Variants in TEX11 observed in about 807,000 individuals in gnomAD.
TEX11 encodes the protein testis-expressed protein 11.
TEX11 carries 7 observed loss-of-function variants against 84.4 expected under a neutral mutation model. That is an observed-to-expected ratio of 0.08 (90% CI 0.05 to 0.16). TEX11 has a LOEUF of 0.16. Ranked by LOEUF, TEX11 falls within the 10% of genes least tolerant of loss-of-function variation. The pLI is 1.00. For missense variants in TEX11, 551 were observed against 660.5 expected (o/e 0.83, Z 1.82); for synonymous variants, 264 against 222.8 (o/e 1.18, Z -1.64).
chrX:70,839,024 C>T (rs1234427321), intron 7 of TEX11, among the ~76,000 whole-genome samples: 1 of 112,736 alleles, frequency 8.9e-6, no homozygotes. Context: ...CACCACAGCT[C>T]AAGGAGGCCT....
At chrX:70,776,710 T>A (rs768082107) in intron 9 of TEX11, among the ~76,000 whole-genome samples, 2 of 111,000 alleles carry the variant, frequency 1.8e-5, no homozygotes, top group South Asian at 7.6e-4. Flanking sequence ...AAAATGTGGA[T>A]CTCATGGAGG....
chrX:70,717,855 C>T (rs1386313349), intron 13 of TEX11, among the ~76,000 whole-genome samples: 2 of 111,663 alleles, frequency 1.8e-5, no homozygotes, highest in African/African-American at 3.2e-5. Context: ...TATCATTAAC[C>T]GAACGATGGT....
intron 15 of TEX11, among the ~76,000 whole-genome samples, chrX:70,673,843 G>T (rs1315931625): frequency 8.9e-6 from 1 of 111,873 alleles, no homozygotes; most frequent in Admixed American, 9.5e-5. Flanking sequence ...TGTTGAAATT[G>T]AATAGGGTAA....
chrX:70,546,831 C>T (rs1017686952), intron 28 of TEX11, among the ~76,000 whole-genome samples: 3 of 110,219 alleles, frequency 2.7e-5, no homozygotes, highest in African/African-American at 9.9e-5. Context: ...CATAGATTTA[C>T]CTGATGACCC....
intron 8 of TEX11, among the ~76,000 whole-genome samples, chrX:70,808,461 C>T (rs2091233578): frequency 9.2e-6 from 1 of 108,157 alleles, no homozygotes. Flanking sequence ...TGAGATCATG[C>T]CACCGCACTC....
rs186036358 is a variant in TEX11, at chrX:70,896,983, A to T, written c.37+10770T>A. The stretch of plus-strand genomic sequence containing the variant: ...ATCTCTACTAAAAATACAAAAAAAA[A>T]TAGCCAGATGTGGTGGCGTGCACCT... On this transcript the variant is annotated intron_variant, in intron 2 of 29. Coordinates refer to ENST00000374333, the MANE Select transcript of TEX11 (RefSeq NM_031276.3). Among the ~76,000 whole-genome samples, 581 of 105,418 alleles carry T rather than the reference A, an allele frequency of 5.5e-3. 3 individuals carry two copies. Among genetic ancestry groups the T allele is most frequent in the African/African-American group, 0.018 (534 of 29,048 alleles). The allele number at this position is 105,418 out of a possible 115,157, so 91.5% of individuals were successfully genotyped here.
chrX:70,639,511 C>G (rs1217985490), intron 17 of TEX11, among the ~76,000 whole-genome samples: 3 of 112,377 alleles, frequency 2.7e-5, no homozygotes, highest in African/African-American at 9.7e-5. Context: ...GCAGACTTAA[C>G]TGTCCCTGTC....
chrX:70,786,019 CAT>C (rs1314706789), intron 9 of TEX11, among the ~76,000 whole-genome samples: 1 of 111,854 alleles, frequency 8.9e-6, no homozygotes, highest in African/African-American at 3.2e-5. Context: ...TACGTGCACA[CAT>C]ATGTTTATTG....
At chrX:70,615,149 C>G (rs947717540) in intron 20 of TEX11, among the ~76,000 whole-genome samples, 10 of 111,080 alleles carry the variant, frequency 9.0e-5, no homozygotes, top group Non-Finnish European at 1.9e-4. Context: ...GATGAACACC[C>G]AGAAGCATCA....
At chrX:70,521,621 C>T in the TEX11 span, among the ~76,000 whole-genome samples, 1 of 111,337 alleles carries the variant, frequency 9.0e-6, no homozygotes, top group Admixed American at 9.6e-5. Flanking sequence ...CCCCTCAGAA[C>T]GTAAAGAAAT....
chrX:70,690,720 A>G (rs2090227438), intron 13 of TEX11, among the ~76,000 whole-genome samples: 2 of 111,269 alleles, frequency 1.8e-5, no homozygotes, highest in Admixed American at 9.6e-5. Context: ...TATTTTTAAA[A>G]AGGTTTTAAA....
chrX:70,561,546 C>G (rs992749523), intron 25 of TEX11, among the ~76,000 whole-genome samples: 7 of 107,480 alleles, frequency 6.5e-5, no homozygotes, highest in African/African-American at 2.4e-4. Flanking sequence ...TGCCACCATG[C>G]CCAGCTGATT....
intron 7 of TEX11, among the ~76,000 whole-genome samples, chrX:70,852,289 CCTT>C (rs1295684244): frequency 8.9e-6 from 1 of 111,862 alleles, no homozygotes; most frequent in African/African-American, 3.3e-5. Context: ...TTCAAGGAAT[CCTT>C]CTGCCTCAGA....
intron 13 of TEX11, among the ~76,000 whole-genome samples, chrX:70,699,419 C>A (rs958571374): frequency 1.8e-5 from 2 of 111,248 alleles, no homozygotes; most frequent in Non-Finnish European, 3.8e-5. Context: ...AATAGATAAC[C>A]CAAAGACCCA....
intron 11 of TEX11, among the ~76,000 whole-genome samples, chrX:70,732,753 T>C (rs1424470306): frequency 1.8e-5 from 2 of 110,325 alleles, no homozygotes; most frequent in Non-Finnish European, 3.8e-5. Flanking sequence ...TTCAATGCCA[T>C]CCCCATCAAG....
At chrX:70,802,967 C>T (rs1455532411) in intron 9 of TEX11, among the ~76,000 whole-genome samples, 2 of 111,163 alleles carry the variant, frequency 1.8e-5, no homozygotes, top group Non-Finnish European at 3.8e-5. Flanking sequence ...AATTTAAATT[C>T]CACCAGAACA....
intron 9 of TEX11, among the ~76,000 whole-genome samples, chrX:70,782,475 C>T (rs1022028176): frequency 9.1e-6 from 1 of 109,566 alleles, no homozygotes; most frequent in African/African-American, 3.3e-5. Flanking sequence ...ACAATATTAA[C>T]CTTAAATGTA....
intron 25 of TEX11, among the ~76,000 whole-genome samples, chrX:70,569,592 T>C (rs1158489823): frequency 3.6e-5 from 4 of 111,968 alleles, no homozygotes; most frequent in Admixed American, 1.9e-4. Flanking sequence ...TTAGTGTGGA[T>C]GTCCTTTCTG....
chrX:70,749,500 A>C (rs4844258), intron 9 of TEX11, among the ~76,000 whole-genome samples: 18,796 of 107,362 alleles, frequency 0.18, 2,562 homozygotes, highest in African/African-American at 0.42. Context: ...GTCTTGTGCC[A>C]GTTTTCAAAG....
Sources: gnomAD v4.1 joint callset for allele counts (sites outside exome capture counted in the v4.1 genomes callset) on GRCh38, gnomAD v4.1.1 for gene constraint, MANE v1.5 for transcripts, NCBI Gene and HGNC (gene_info 2026-07-23, HGNC 2026-07-21) for gene names.